Variants in PLEKHO1 observed in about 807,000 individuals in gnomAD.
PLEKHO1 encodes pleckstrin homology domain-containing family O member 1.
In PLEKHO1, 22 loss-of-function variants were observed where a neutral mutation model predicts 41.4. The ratio of observed to expected loss-of-function variants is 0.53; its 90% CI spans 0.38 to 0.76. PLEKHO1 has a LOEUF of 0.76. Among genes scored for constraint, PLEKHO1 ranks in the 30% least tolerant of loss-of-function variants. PLEKHO1 has a pLI of 0.00. For synonymous variants in PLEKHO1, 225 were observed against 210.8 expected (o/e 1.07, Z -0.58); for missense variants, 488 against 518.3 (o/e 0.94, Z 0.57).
At chr1:150,154,178 CT>C (rs1660074899) in intron 2 of PLEKHO1, 1 of 152,348 alleles carries the variant, frequency 6.6e-6, no homozygotes, top group Non-Finnish European at 1.5e-5. Context: ...ACACCCAACA[CT>C]TTCCTCTCCA....
chr1:150,150,971 A>G lies in PLEKHO1; in HGVS notation c.90A>G (p.Lys30=). The change falls in exon 2 of 6, where the codon AAA becomes AAG. Residue 30 remains lysine (K), a synonymous_variant. Transcript: ENST00000369124. ...APPEKVGWVR[K]FCGKGIFREI... ...CCGAGAAGGTCGGCTGGGTCCGGAA[A>G]TTCTGCGGGAAAGGGATTTTCAGGG... 2 of 1,614,174 alleles carry G rather than the reference A, an allele frequency of 1.2e-6. No homozygotes were observed. Among genetic ancestry groups the G allele is most frequent in the Non-Finnish European group, 1.7e-6 (2 of 1,179,992 alleles).
At chr1:150,157,360 CATG>C in intron 4 of PLEKHO1, 22 bp from the exon 5 acceptor site, 4 of 1,551,164 alleles carry the variant, frequency 2.6e-6, no homozygotes, top group Non-Finnish European at 3.6e-6. Context: ...GAAGAGCACT[CATG>C]ATTCACAGTA....
Position 150,159,925 on chromosome 1 carries a change from CT to C in PLEKHO1, c.*404del. ...TTTTCTGTTATGTCCCACCCCAGGC[CT>C]TCAGTTTGAGGGTGAAGTTTCAGCT... On this transcript the variant is annotated 3_prime_UTR_variant, in exon 6 of 6. Transcript: ENST00000369124. 6.2e-6 allele frequency: 1 copy of C among 162,424 alleles called. No homozygotes were observed. The highest frequency in any genetic ancestry group is 1.3e-5 in the Non-Finnish European group (1 of 74,568). The allele number at this position is 162,424 out of a possible 1,614,324, so 10.1% of individuals were successfully genotyped here.
chr1:150,152,703 A>AAAAAC (rs1659999160), intron 2 of PLEKHO1: 1 of 141,504 alleles, frequency 7.1e-6, no homozygotes, highest in Non-Finnish European at 1.5e-5. Context: ...AAAAAAAAAA[A>AAAAAC]AAAAAAAAAC....
intron 2 of PLEKHO1, chr1:150,155,820 C>A: frequency 2.6e-6 from 1 of 384,556 alleles, no homozygotes; most frequent in Non-Finnish European, 4.7e-6. Flanking sequence ...AAATGGCAGC[C>A]TGGCTAAGGA....
chr1:150,155,080 C>G (rs1553820063), intron 2 of PLEKHO1: 1 of 152,222 alleles, frequency 6.6e-6, no homozygotes, highest in East Asian at 1.9e-4. Flanking sequence ...GAGAATGTCA[C>G]TAGGAATGCG....
chr1:150,157,453 C>T lies in PLEKHO1; in HGVS notation c.492C>T (p.Arg164=). The part of the protein sequence containing the change: ...TRDRAKIQHS[R]RPPTRGHLMA... ...ACAGGGCAAAAATCCAGCACTCCCGCCGCCCCCCAACAAGGGGACACCTAA... is the reference window on the plus strand; with the variant it reads ...ACAGGGCAAAAATCCAGCACTCCCGTCGCCCCCCAACAAGGGGACACCTAA... Residue 164 remains arginine, a synonymous_variant, in exon 5 of 6, where the codon CGC becomes CGT. Transcript: ENST00000369124. 6.2e-7 allele frequency: 1 copy of T among 1,613,836 alleles called. No homozygotes were observed. Among genetic ancestry groups the T allele is most frequent in the East Asian group, 2.2e-5 (1 of 44,886 alleles).
chr1:150,154,876 A>T (rs1553820011), intron 2 of PLEKHO1: 2 of 152,236 alleles, frequency 1.3e-5, no homozygotes, highest in Admixed American at 6.5e-5. Context: ...CTGGACTTGT[A>T]ACTAAGTCTC....
intron 2 of PLEKHO1, chr1:150,152,813 A>T (rs980463500): frequency 6.6e-6 from 1 of 152,188 alleles, no homozygotes; most frequent in Non-Finnish European, 1.5e-5. Flanking sequence ...AGAGAAAAAC[A>T]TAATAGTGAA....
chr1:150,151,653 CAAGG>C (rs1479913804), intron 2 of PLEKHO1, among the ~76,000 whole-genome samples: 6 of 139,430 alleles, frequency 4.3e-5, no homozygotes, highest in Admixed American at 7.8e-5. Flanking sequence ...TTAAAAAAGG[CAAGG>C]AACCCATTTT....
chr1:150,156,882 T>A (rs1553820517), intron 3 of PLEKHO1, 29 bp from the exon 4 acceptor site: 2 of 1,372,096 alleles, frequency 1.5e-6, no homozygotes, highest in Non-Finnish European at 1.0e-6. Context: ...TCTAAAACCC[T>A]GGCTGAAACA....
At position 150,156,896 on chromosome 1, in the gene PLEKHO1, A is replaced by G. The variant is rs1360330256; in HGVS notation, c.319-15A>G. The stretch of plus-strand genomic sequence containing the variant: ...CTCTAAAACCCTGGCTGAAACAGGA[A>G]TCTTCCCCTCACAGGCACCCAACCT... On this transcript the variant is annotated splice_polypyrimidine_tract_variant and intron_variant, in intron 3 of 5. Coordinates refer to ENST00000369124, the MANE Select transcript of PLEKHO1 (RefSeq NM_016274.6). The G allele has an allele frequency of 9.7e-6, 15 of 1,538,490 alleles. No individual in the cohort carries two copies. Among genetic ancestry groups the G allele is most frequent in the African/African-American group, 1.4e-5 (1 of 73,452 alleles).
Position 150,150,920 on chromosome 1 carries a change from G to A in PLEKHO1, c.39G>A (p.Gln13=). ...KKNNSAKRGP[Q]DGNQQPAPPE... The stretch of plus-strand genomic sequence containing the variant: ...ATCTTGTCCTGGGGCAGGGACCTCA[G>A]GATGGAAACCAGCAGCCTGCACCGC... Residue 13 remains glutamine (Q), a synonymous_variant, in exon 2 of 6, where the codon CAG becomes CAA. Transcript: ENST00000369124. 6.2e-7 allele frequency: 1 copy of A among 1,614,014 alleles called. No individual in the cohort carries two copies. Among genetic ancestry groups the A allele is most frequent in the East Asian group, 2.2e-5 (1 of 44,870 alleles).
In PLEKHO1 at chr1:150,159,166, T is replaced by C. The variant is rs782766870; in HGVS notation, c.873T>C (p.Ala291=). The C allele has an allele frequency of 6.2e-7, 1 of 1,610,944 alleles. No homozygotes were observed. The highest frequency in any genetic ancestry group is 8.5e-7 in the Non-Finnish European group (1 of 1,178,676). ...CTGCCCGCACCCTCCAGCTGCGGGCTGAGGAACCCCCAACCCCTGCCCTCC... is the reference window on the plus strand; with the variant it reads ...CTGCCCGCACCCTCCAGCTGCGGGCCGAGGAACCCCCAACCCCTGCCCTCC... ...AASARTLQLR[A]EEPPTPALPN... is the part of the protein sequence containing the mutation. Residue 291 remains alanine, a synonymous_variant, in exon 6 of 6, where the codon GCT becomes GCC. Transcript: ENST00000369124.
rs782466745 is a variant in PLEKHO1 at position 150,150,301 on chromosome 1, C to T, written c.30+14C>T. ...TCCGCCAAGCGGGTGAGTGCGCTTG[C>T]CCGCCCTGCGGCCGCCGCCGCCTCC... is the stretch of plus-strand genomic sequence containing the variant. On this transcript the variant is annotated intron_variant, in intron 1 of 5. Coordinates refer to ENST00000369124, the MANE Select transcript of PLEKHO1 (RefSeq NM_016274.6). The T allele has an allele frequency of 6.4e-6, 7 of 1,087,052 alleles. No homozygotes were observed. Among genetic ancestry groups the T allele is most frequent in the South Asian group, 2.9e-5 (1 of 34,188 alleles). 67.3% of individuals were successfully genotyped at this position (1,087,052 alleles called of 1,614,324 possible). A position where few individuals can be genotyped will look rare whatever the true frequency, so the allele number is the denominator to read the frequency against.
Position 150,157,459 on chromosome 1 carries a change from C to T in PLEKHO1, c.498C>T (p.Pro166=), listed in dbSNP as rs1553820677. 5.6e-6 allele frequency: 9 copies of T among 1,613,718 alleles called. No individual in the cohort carries two copies. The highest frequency in any genetic ancestry group is 7.6e-6 in the Non-Finnish European group (9 of 1,179,630). The stretch of plus-strand genomic sequence containing the variant: ...CAAAAATCCAGCACTCCCGCCGCCC[C>T]CCAACAAGGGGACACCTAATGGCTG... The part of the protein sequence containing the change: ...DRAKIQHSRR[P]PTRGHLMAVA... The change falls in exon 5 of 6, where the codon CCC becomes CCT. Residue 166 remains proline (P), a synonymous_variant. Coordinates refer to ENST00000369124, the MANE Select transcript of PLEKHO1 (RefSeq NM_016274.6).
In PLEKHO1 at chr1:150,157,258, T is replaced by C; in HGVS notation, c.424-127T>C. The C allele has an allele frequency of 1.3e-5, 10 of 787,208 alleles. No homozygotes were observed. In the South Asian group the frequency reaches 1.5e-4, roughly 11 times the overall value. 48.8% of individuals were successfully genotyped at this position (787,208 alleles called of 1,614,324 possible). A position where few individuals can be genotyped will look rare whatever the true frequency, so the allele number is the denominator to read the frequency against. On this transcript the variant is annotated intron_variant, in intron 4 of 5. Coordinates refer to ENST00000369124, the MANE Select transcript of PLEKHO1 (RefSeq NM_016274.6). Reference sequence around the variant, plus strand: ...GGGTCAGCTTAAAGAGCCCCCTTCGTGTCCAGTAAATCCCCTTGCCCATTC... The same window carrying C: ...GGGTCAGCTTAAAGAGCCCCCTTCGCGTCCAGTAAATCCCCTTGCCCATTC...
chr1:150,150,802 C>A lies in PLEKHO1; in HGVS notation c.31-110C>A, dbSNP rs587677216. The A allele has an allele frequency of 2.9e-6, 3 of 1,020,238 alleles. No individual in the cohort carries two copies. In the South Asian group the frequency reaches 4.7e-5, roughly 16 times the overall value. The allele number at this position is 1,020,238 out of a possible 1,614,324, so 63.2% of individuals were successfully genotyped here. A position where few individuals can be genotyped will look rare whatever the true frequency, so the allele number is the denominator to read the frequency against. On this transcript the variant is annotated intron_variant, in intron 1 of 5. Transcript: ENST00000369124. ...CTGGGGCGGCCCCCCGCCCCCCGGC[C>A]GCAGCCTTCGGAGGAGACTGGGCCG...
intron 4 of PLEKHO1, 114 bp from the exon 5 acceptor site, chr1:150,157,271 C>T (rs1559962392): frequency 1.2e-6 from 1 of 839,592 alleles, no homozygotes; most frequent in South Asian, 1.4e-5. Flanking sequence ...CCAGTAAATC[C>T]CCTTGCCCAT....
Sources: allele counts gnomAD v4.1 joint callset (sites outside exome capture counted in the v4.1 genomes callset), GRCh38; gene constraint gnomAD v4.1.1; transcripts MANE v1.5; gene names NCBI Gene and HGNC (gene_info 2026-07-23, HGNC 2026-07-21).